Variants in CYFIP1 observed in about 807,000 individuals in gnomAD.
The protein encoded by CYFIP1 is cytoplasmic FMR1-interacting protein 1.
CYFIP1 carries 58 observed loss-of-function variants against 163.5 expected under a neutral mutation model. That is an observed-to-expected ratio of 0.35 (90% CI 0.29 to 0.44). The LOEUF (loss-of-function observed/expected upper bound fraction) is 0.44. CYFIP1 is among the 20% of genes least tolerant of loss of function. The pLI is 1.00. For synonymous variants in CYFIP1, 663 were observed against 660.7 expected (o/e 1.00, Z -0.05); for missense variants, 1,338 against 1,653.8 (o/e 0.81, Z 3.31).
intron 1 of CYFIP1, among the ~76,000 whole-genome samples, chr15:22,956,883 C>T (rs1382100036): frequency 6.6e-6 from 1 of 152,242 alleles, no homozygotes; most frequent in Non-Finnish European, 1.5e-5. Context: ...TATTTTACCA[C>T]ATTAGAGGAT....
chr15:22,913,547 AAAAAG>A (rs1365750817), intron 17 of CYFIP1, among the ~76,000 whole-genome samples: 5 of 147,630 alleles, frequency 3.4e-5, no homozygotes, highest in African/African-American at 1.2e-4. Flanking sequence ...AAAAAAAAAA[AAAAAG>A]AAAGAAAGAA....
At chr15:22,974,318 C>T (rs946859290) in intron 1 of CYFIP1, among the ~76,000 whole-genome samples, 2 of 152,178 alleles carry the variant, frequency 1.3e-5, no homozygotes, top group African/African-American at 2.4e-5. Context: ...TGGTGGCTCA[C>T]ATCTGTAATC....
In CYFIP1 at chr15:22,872,924, T is replaced by A. The variant is rs766897788; in HGVS notation, c.3498A>T (p.Val1166=). 1 of 1,614,044 alleles carries A rather than the reference T, an allele frequency of 6.2e-7. No individual in the cohort carries two copies. The highest frequency in any genetic ancestry group is 1.1e-5 in the South Asian group (1 of 91,076). The change falls in exon 30 of 31, where the codon GTA becomes GTT. Residue 1166 remains valine, a synonymous_variant. Transcript: ENST00000617928. ...CAAAACGCCGCTGCTGCCCAAGAAG[T>A]ACGATGATCATACAGCCAGCCCAGT... ...GLHWAGCMII[V]LLGQQRRFAV...
intron 17 of CYFIP1, among the ~76,000 whole-genome samples, chr15:22,912,681 G>C (rs1404561133): frequency 6.6e-6 from 1 of 152,214 alleles, no homozygotes; most frequent in Non-Finnish European, 1.5e-5. Context: ...CACTTTGTGG[G>C]GCTGAGGTGG....
intron 18 of CYFIP1, among the ~76,000 whole-genome samples, chr15:22,911,590 G>A (rs1300213913): frequency 6.6e-6 from 1 of 152,196 alleles, no homozygotes; most frequent in Non-Finnish European, 1.5e-5. Flanking sequence ...CCTGTGCTTC[G>A]TGGCAAGTGG....
At chr15:22,936,531 A>C (rs528772310) in intron 9 of CYFIP1, among the ~76,000 whole-genome samples, 36 of 152,148 alleles carry the variant, frequency 2.4e-4, no homozygotes, top group Non-Finnish European at 4.6e-4. Context: ...CCAGCGGCGC[A>C]TTCTCTCACT....
At chr15:22,953,928 C>T (rs2062349453) in intron 1 of CYFIP1, among the ~76,000 whole-genome samples, 2 of 152,190 alleles carry the variant, frequency 1.3e-5, no homozygotes, top group African/African-American at 2.4e-5. Context: ...TGGTGGCGGG[C>T]GCCTGTAGTC....
At chr15:22,935,471 A>C (rs2061683632) in intron 9 of CYFIP1, among the ~76,000 whole-genome samples, 1 of 152,216 alleles carries the variant, frequency 6.6e-6, no homozygotes, top group African/African-American at 2.4e-5. Context: ...ATGCTTCTAG[A>C]AGCTAACACA....
At chr15:22,919,426 A>G (rs1454153564) in intron 13 of CYFIP1, among the ~76,000 whole-genome samples, 2 of 152,242 alleles carry the variant, frequency 1.3e-5, no homozygotes, top group African/African-American at 2.4e-5. Context: ...TGAATAAACA[A>G]TTGAAGGTCA....
At chr15:22,938,879 GGCAAGA>G (rs985491820) in intron 8 of CYFIP1, among the ~76,000 whole-genome samples, 2 of 150,152 alleles carry the variant, frequency 1.3e-5, no homozygotes, top group African/African-American at 4.9e-5. Flanking sequence ...CTCCAGCCTG[GGCAAGA>G]GCAACACCCT....
In CYFIP1 at chr15:22,892,978, C is replaced by T; in HGVS notation, c.2589-1G>A. On this transcript the variant is annotated splice_acceptor_variant, in intron 22 of 30. Transcript: ENST00000617928. LOFTEE classifies it high-confidence loss of function. The stretch of plus-strand genomic sequence containing the variant: ...AAATGGTAACACTGTCCGAACAAAC[C>T]TAAACAAGAAAGATTTAAAAAAGAA... The T allele has an allele frequency of 1.2e-6, 2 of 1,608,420 alleles. No homozygotes were observed. Among genetic ancestry groups the T allele is most frequent in the Non-Finnish European group, 1.7e-6 (2 of 1,176,474 alleles).
Position 22,913,013 on chromosome 15 carries a change from T to C in CYFIP1, c.1986-738A>G, listed in dbSNP as rs531676723. Among the ~76,000 whole-genome samples, 11 of 151,908 alleles carry C rather than the reference T, an allele frequency of 7.2e-5. No individual in the cohort carries two copies. The East Asian group carries it at 1.4e-3, about 19-fold the overall frequency. On this transcript the variant is annotated intron_variant, in intron 17 of 30. Transcript: ENST00000617928. ...GAGTTTGAGACCAGGTTGGACAACATAGCAAGACCCCGTCTCCATGAAACA... is the reference window on the plus strand; with the variant it reads ...GAGTTTGAGACCAGGTTGGACAACACAGCAAGACCCCGTCTCCATGAAACA...
intron 6 of CYFIP1, among the ~76,000 whole-genome samples, chr15:22,940,742 T>C (rs2061870210): frequency 1.3e-5 from 2 of 152,234 alleles, no homozygotes. Flanking sequence ...TCCTTGCCTT[T>C]TTAAACATGT....
intron 3 of CYFIP1, chr15:22,946,563 C>T (rs2062066294): frequency 3.2e-6 from 1 of 308,570 alleles, no homozygotes; most frequent in Non-Finnish European, 6.4e-6. Flanking sequence ...ACTGCTTGAA[C>T]CTGGGAGGCG....
intron 22 of CYFIP1, among the ~76,000 whole-genome samples, chr15:22,896,069 G>A (rs1187445048): frequency 1.3e-5 from 2 of 152,156 alleles, no homozygotes; most frequent in East Asian, 3.9e-4. Context: ...GTAACCTGCT[G>A]GTTAGAAGTG....
At chr15:22,980,412 G>C (rs1217461299), upstream of CYFIP1, 1 of 151,950 alleles carries the variant, frequency 6.6e-6, no homozygotes, top group Non-Finnish European at 1.5e-5. Context: ...CCCGGGGCGG[G>C]GGCTCTCCCG....
At chr15:22,960,449 A>G (rs1236335453) in intron 1 of CYFIP1, among the ~76,000 whole-genome samples, 1 of 152,202 alleles carries the variant, frequency 6.6e-6, no homozygotes, top group African/African-American at 2.4e-5. Flanking sequence ...GCCACAGAAC[A>G]TCCCCAGTGA....
chr15:22,885,768 G>A (rs12148177), intron 23 of CYFIP1, among the ~76,000 whole-genome samples: 1,700 of 152,096 alleles, frequency 0.011, 16 homozygotes, highest in Non-Finnish European at 0.017. Context: ...CATTCAACAA[G>A]TCTCTAGAGA....
chr15:22,870,900 AAAG>A (rs1404912741), intron 30 of CYFIP1, among the ~76,000 whole-genome samples: 1 of 152,242 alleles, frequency 6.6e-6, no homozygotes. Flanking sequence ...CCACAGGAAT[AAAG>A]AACACGAATT....
Sources: gnomAD v4.1 joint callset for allele counts (sites outside exome capture counted in the v4.1 genomes callset) on GRCh38, gnomAD v4.1.1 for gene constraint, MANE v1.5 for transcripts, NCBI Gene and HGNC (gene_info 2026-07-23, HGNC 2026-07-21) for gene names.